GPR158: variants seen among roughly 807,000 people sequenced by gnomAD.
GPR158 encodes G protein-coupled receptor 158.
Under a neutral mutation model 78.2 loss-of-function variants are expected in GPR158, and 30 were observed. That is an observed-to-expected ratio of 0.38 (90% CI 0.29 to 0.52). The LOEUF (loss-of-function observed/expected upper bound fraction) is 0.52. Ranked by LOEUF, GPR158 falls within the 20% of genes least tolerant of loss-of-function variation. The pLI is 0.83. For synonymous variants in GPR158, 581 were observed against 591.1 expected (o/e 0.98, Z 0.25); for missense variants, 1,463 against 1,523.5 (o/e 0.96, Z 0.66).
intron 5 of GPR158, among the ~76,000 whole-genome samples, chr10:25,525,598 G>A (rs10741092): frequency 6.6e-6 from 1 of 151,930 alleles, no homozygotes; most frequent in Admixed American, 6.6e-5. Context: ...TACTTGAATT[G>A]TCCAGAATTA....
At chr10:25,517,444 T>A (rs1407677729) in intron 5 of GPR158, among the ~76,000 whole-genome samples, 1 of 152,090 alleles carries the variant, frequency 6.6e-6, no homozygotes, top group Non-Finnish European at 1.5e-5. Context: ...ATCCCTGTCT[T>A]GTGCCAGTTT....
chr10:25,404,680 G>C (rs1588847292), intron 3 of GPR158, among the ~76,000 whole-genome samples: 1 of 152,124 alleles, frequency 6.6e-6, no homozygotes, highest in Non-Finnish European at 1.5e-5. Context: ...TTTTAATATA[G>C]GTGGGAAAAT....
chr10:25,316,514 G>T (rs1854851789), intron 2 of GPR158, among the ~76,000 whole-genome samples: 1 of 152,140 alleles, frequency 6.6e-6, no homozygotes, highest in African/African-American at 2.4e-5. Flanking sequence ...TGAGCTTATT[G>T]AGCACTGTAC....
chr10:25,517,035 C>T (rs1836185888), intron 5 of GPR158, among the ~76,000 whole-genome samples: 1 of 150,340 alleles, frequency 6.7e-6, no homozygotes, highest in Non-Finnish European at 1.5e-5. Context: ...TTTGTATCCT[C>T]TTTTGTTTCA....
chr10:25,182,925 T>C (rs987583545), intron 1 of GPR158, among the ~76,000 whole-genome samples: 1 of 152,218 alleles, frequency 6.6e-6, no homozygotes. Flanking sequence ...CTTTGGCAGC[T>C]TCATGGCTGT....
intron 2 of GPR158, among the ~76,000 whole-genome samples, chr10:25,354,300 A>G (rs1179439286): frequency 2.6e-5 from 4 of 151,578 alleles, no homozygotes; most frequent in African/African-American, 9.7e-5. Flanking sequence ...GGTTGCAGTG[A>G]GCCGAGATTG....
chr10:25,263,382 G>A (rs1428310894), intron 2 of GPR158, among the ~76,000 whole-genome samples: 1 of 152,090 alleles, frequency 6.6e-6, no homozygotes, highest in Non-Finnish European at 1.5e-5. Context: ...ATATATGTCT[G>A]TTCTTTTCCT....
At chr10:25,466,809 C>T in intron 5 of GPR158, 90 bp downstream of exon 5, 32 of 584,586 alleles carry the variant, frequency 5.5e-5, no homozygotes, top group Admixed American at 2.3e-4. Context: ...CACACACATA[C>T]ACACACCCTG....
chr10:25,490,342 G>A lies in GPR158; in HGVS notation c.1404+23623G>A, dbSNP rs147817515. ...GTTTTAGGGTACATGTGCACATTGT[G>A]CAGGTTAGTTACATATGTATACATG... On this transcript the variant is annotated intron_variant, in intron 5 of 10. Coordinates refer to ENST00000376351, the MANE Select transcript of GPR158 (RefSeq NM_020752.3). Among the ~76,000 whole-genome samples the A allele has an allele frequency of 9.1e-3, 1,346 of 148,036 alleles. 9 individuals are homozygous for A. The highest frequency in any genetic ancestry group is 0.015 in the Non-Finnish European group (999 of 67,174).
At chr10:25,197,501 TA>T (rs1852858484) in intron 1 of GPR158, among the ~76,000 whole-genome samples, 1 of 152,154 alleles carries the variant, frequency 6.6e-6, no homozygotes, top group East Asian at 1.9e-4. Flanking sequence ...AGATCCAGCA[TA>T]AAAAAGAGTA....
intron 2 of GPR158, among the ~76,000 whole-genome samples, chr10:25,314,929 C>G (rs551228835): frequency 1.5e-5 from 2 of 136,130 alleles, no homozygotes; most frequent in African/African-American, 5.5e-5. Context: ...CACACACACA[C>G]AGTTCAGGAG....
At chr10:25,242,108 C>T (rs1244962548) in intron 2 of GPR158, among the ~76,000 whole-genome samples, 2 of 152,180 alleles carry the variant, frequency 1.3e-5, no homozygotes, top group Admixed American at 6.5e-5. Context: ...CACGTGGTTT[C>T]GTGAAATCTG....
intron 1 of GPR158, among the ~76,000 whole-genome samples, chr10:25,213,393 A>G (rs1177999868): frequency 6.6e-6 from 1 of 152,162 alleles, no homozygotes; most frequent in African/African-American, 2.4e-5. Flanking sequence ...TGATTAAAAT[A>G]ATTTTTTCTC....
chr10:25,515,381 T>G (rs1836150607), intron 5 of GPR158, among the ~76,000 whole-genome samples: 1 of 151,952 alleles, frequency 6.6e-6, no homozygotes, highest in Non-Finnish European at 1.5e-5. Context: ...TTCTTTTTTT[T>G]TTTATACTTT....
intron 1 of GPR158, among the ~76,000 whole-genome samples, chr10:25,205,467 T>C (rs1853011643): frequency 6.6e-6 from 1 of 152,090 alleles, no homozygotes; most frequent in African/African-American, 2.4e-5. Context: ...CCTTTTTATT[T>C]TTCTTTTTTC....
chr10:25,304,018 G>C (rs1179141251), intron 2 of GPR158, among the ~76,000 whole-genome samples: 1 of 152,128 alleles, frequency 6.6e-6, no homozygotes, highest in East Asian at 1.9e-4. Context: ...ATGAAGAGGT[G>C]ATTCAGTTGT....
chr10:25,508,158 A>T (rs989899011), intron 5 of GPR158, among the ~76,000 whole-genome samples: 6 of 151,576 alleles, frequency 4.0e-5, no homozygotes, highest in African/African-American at 1.5e-4. Flanking sequence ...TTATTTATTT[A>T]TTTTTTTTGT....
intron 5 of GPR158, among the ~76,000 whole-genome samples, chr10:25,539,095 G>C (rs771274530): frequency 7.9e-5 from 12 of 152,060 alleles, no homozygotes; most frequent in Non-Finnish European, 1.6e-4. Context: ...GCCGCTAAAT[G>C]TCACATTTAT....
At chr10:25,260,105 TC>T (rs1853947076) in intron 2 of GPR158, among the ~76,000 whole-genome samples, 1 of 152,182 alleles carries the variant, frequency 6.6e-6, no homozygotes, top group South Asian at 2.1e-4. Context: ...TTCTATATTT[TC>T]CCTGCTTTTT....
Sources: gnomAD v4.1 joint callset for allele counts (sites outside exome capture counted in the v4.1 genomes callset) on GRCh38, gnomAD v4.1.1 for gene constraint, MANE v1.5 for transcripts, NCBI Gene and HGNC (gene_info 2026-07-23, HGNC 2026-07-21) for gene names.